The following LINGO2 variants were observed in gnomAD, a reference collection of about 807,000 sequenced individuals.
LINGO2 encodes leucine rich repeat and Ig domain containing 2, also known as leucine-rich repeat and immunoglobulin-like domain-containing nogo receptor-interacting protein 2.
In LINGO2, 14 loss-of-function variants were observed where a neutral mutation model predicts 30.6. The observed-to-expected ratio is 0.46, with a 90% CI of 0.30 to 0.72. The LOEUF (loss-of-function observed/expected upper bound fraction) is 0.72, where lower values mean the gene tolerates loss of function less well. LINGO2 is among the 30% of genes least tolerant of loss of function. The pLI, the probability that LINGO2 is intolerant of heterozygous loss-of-function variation, is 0.07. For missense variants in LINGO2, 729 were observed against 751.7 expected (o/e 0.97, Z 0.35); for synonymous variants, 317 against 288.5 (o/e 1.10, Z -1.00).
intron 1 of LINGO2, among the ~76,000 whole-genome samples, chr9:28,478,941 C>T (rs1181924911): frequency 6.6e-6 from 1 of 151,934 alleles, no homozygotes; most frequent in African/African-American, 2.4e-5. Flanking sequence ...TTCTATATTT[C>T]TGATTCCTTT....
At chr9:28,318,516 A>G (rs1824925166) in intron 3 of LINGO2, among the ~76,000 whole-genome samples, 1 of 152,134 alleles carries the variant, frequency 6.6e-6, no homozygotes, top group Non-Finnish European at 1.5e-5. Context: ...AGCATGCACA[A>G]AGTCACTTGC....
chr9:28,703,214 A>G, the LINGO2 span, among the ~76,000 whole-genome samples: 4 of 151,732 alleles, frequency 2.6e-5, no homozygotes, highest in African/African-American at 9.7e-5. Context: ...AACTTAAATT[A>G]TTGATTTTAG....
chr9:29,032,749 C>A, the LINGO2 span, among the ~76,000 whole-genome samples: 1 of 152,144 alleles, frequency 6.6e-6, no homozygotes, highest in Non-Finnish European at 1.5e-5. Context: ...AAATCTATAT[C>A]AATTGTAATA....
At chr9:28,547,017 T>C (rs181070142) in intron 1 of LINGO2, among the ~76,000 whole-genome samples, 9 of 152,206 alleles carry the variant, frequency 5.9e-5, no homozygotes, top group Admixed American at 4.6e-4. Context: ...GAAAAGTTGG[T>C]GGGACAAATT....
Position 28,497,490 on chromosome 9 carries a change from G to C in LINGO2, c.-364-21465C>G, listed in dbSNP as rs10757750. 3.2e-3 allele frequency among the ~76,000 whole-genome samples: 493 copies of C among 152,142 alleles called. 12 individuals are homozygous for C. The East Asian group carries it at 0.081, about 25-fold the overall frequency. ...TGTGCATTCGTCATGTAGTTCTTGT[G>C]CCATGGTTTTCAGCTTCATCAGGTC... is the stretch of plus-strand genomic sequence containing the variant. On this transcript the variant is annotated intron_variant, in intron 1 of 5. Coordinates refer to ENST00000379992, the Ensembl canonical transcript of LINGO2.
At chr9:28,818,434 G>C in the LINGO2 span, among the ~76,000 whole-genome samples, 2 of 152,120 alleles carry the variant, frequency 1.3e-5, no homozygotes, top group Non-Finnish European at 1.5e-5. Flanking sequence ...ACCCAGGCTG[G>C]AGTGCAATGG....
At chr9:28,213,813 T>C (rs1234883157) in intron 4 of LINGO2, among the ~76,000 whole-genome samples, 1 of 151,540 alleles carries the variant, frequency 6.6e-6, no homozygotes, top group Non-Finnish European at 1.5e-5. Flanking sequence ...AAATGGCTTT[T>C]ATAAACTTAC....
At chr9:29,111,818 AAGAT>A in the LINGO2 span, among the ~76,000 whole-genome samples, 31,107 of 117,594 alleles carry the variant, frequency 0.26, 3,396 homozygotes, top group East Asian at 0.46. Flanking sequence ...TTCAGATTTA[AAGAT>A]ATATATATAT....
chr9:28,258,689 C>G (rs1199168326), intron 4 of LINGO2, among the ~76,000 whole-genome samples: 2 of 151,962 alleles, frequency 1.3e-5, no homozygotes, highest in African/African-American at 4.8e-5. Context: ...CTGAATTCCA[C>G]AGCTCAATGA....
the LINGO2 span, among the ~76,000 whole-genome samples, chr9:29,099,252 A>T: frequency 6.6e-6 from 1 of 152,222 alleles, no homozygotes; most frequent in African/African-American, 2.4e-5. Flanking sequence ...TAAAGACTTA[A>T]AGCTAAGACT....
chr9:28,012,876 C>A (rs1192968108), intron 4 of LINGO2, among the ~76,000 whole-genome samples: 1 of 151,984 alleles, frequency 6.6e-6, no homozygotes, highest in Non-Finnish European at 1.5e-5. Flanking sequence ...TCTCTAAATT[C>A]CTGTTTGTTC....
intron 2 of LINGO2, among the ~76,000 whole-genome samples, chr9:28,467,521 A>G (rs1201147310): frequency 6.6e-6 from 1 of 152,190 alleles, no homozygotes; most frequent in African/African-American, 2.4e-5. Context: ...AAAATGAACC[A>G]CAATTCCTTA....
chr9:28,771,439 T>G, the LINGO2 span, among the ~76,000 whole-genome samples: 1 of 150,952 alleles, frequency 6.6e-6, no homozygotes, highest in Non-Finnish European at 1.5e-5. Context: ...CTCCTTTCTT[T>G]TCTTTCCTAT....
chr9:29,028,991 A>C, the LINGO2 span, among the ~76,000 whole-genome samples: 3 of 152,180 alleles, frequency 2.0e-5, no homozygotes, highest in African/African-American at 7.2e-5. Flanking sequence ...TATACACAGC[A>C]TGATGGTCAT....
the LINGO2 span, among the ~76,000 whole-genome samples, chr9:28,711,804 C>A: frequency 6.6e-6 from 1 of 152,104 alleles, no homozygotes; most frequent in Non-Finnish European, 1.5e-5. Context: ...ATTAATCAAA[C>A]ACATTTAGTA....
At chr9:29,057,777 G>A in the LINGO2 span, among the ~76,000 whole-genome samples, 2 of 152,078 alleles carry the variant, frequency 1.3e-5, no homozygotes, top group African/African-American at 4.8e-5. Flanking sequence ...AATAAACTGG[G>A]AGCAGAACAA....
At chr9:28,625,031 C>A (rs2135845876) in intron 1 of LINGO2, among the ~76,000 whole-genome samples, 1 of 152,046 alleles carries the variant, frequency 6.6e-6, no homozygotes, top group African/African-American at 2.4e-5. Context: ...GCTCGAAGAC[C>A]AGCCCAGCAC....
chr9:28,083,432 G>C (rs570127263), intron 4 of LINGO2, among the ~76,000 whole-genome samples: 1 of 152,290 alleles, frequency 6.6e-6, no homozygotes, highest in South Asian at 2.1e-4. Flanking sequence ...TAGATTATAA[G>C]AACAGGGGTG....
At chr9:29,185,540 T>A in the LINGO2 span, among the ~76,000 whole-genome samples, 2 of 152,126 alleles carry the variant, frequency 1.3e-5, no homozygotes, top group African/African-American at 4.8e-5. Context: ...CCTTCTAATA[T>A]CACACAGCTA....
Sources: gnomAD v4.1 joint callset for allele counts (sites outside exome capture counted in the v4.1 genomes callset) on GRCh38, gnomAD v4.1.1 for gene constraint, MANE v1.5 for transcripts, NCBI Gene and HGNC (gene_info 2026-07-23, HGNC 2026-07-21) for gene names.